Variants in AOPEP observed in about 807,000 individuals in gnomAD.
AOPEP encodes aminopeptidase O.
A neutral mutation model predicts 98.1 loss-of-function variants in AOPEP; 77 were observed. The ratio of observed to expected loss-of-function variants is 0.78; its 90% CI spans 0.65 to 0.95. AOPEP has a LOEUF of 0.95. AOPEP is among the 40% of genes least tolerant of loss of function. AOPEP has a pLI of 0.00. For synonymous variants in AOPEP, 346 were observed against 365.3 expected (o/e 0.95, Z 0.60); for missense variants, 1,024 against 1,024.7 (o/e 1.00, Z 0.01).
chr9:95,004,228 G>A (rs1301770322), intron 11 of AOPEP: 4 of 456,364 alleles, frequency 8.8e-6, no homozygotes, highest in Non-Finnish European at 1.8e-5. Context: ...CTGCTGATGC[G>A]GATGAGAAGG....
In AOPEP at chr9:94,761,569, T is replaced by C. The variant is rs117368449; in HGVS notation, c.797+989T>C. ...GGTCTTCGGCAATTGCTTACATGTC[T>C]CCCTCAATTCATCCCCCAAAACACC... On this transcript the variant is annotated intron_variant, in intron 2 of 16. Transcript: ENST00000375315. Among the ~76,000 whole-genome samples, 455 of 152,288 alleles carry C rather than the reference T, an allele frequency of 3.0e-3. 1 individual carries two copies. Among genetic ancestry groups the C allele is most frequent in the Non-Finnish European group, 5.1e-3 (344 of 68,018 alleles).
At chr9:94,805,168 A>T (rs1012173837) in intron 5 of AOPEP, among the ~76,000 whole-genome samples, 5 of 145,776 alleles carry the variant, frequency 3.4e-5, no homozygotes, top group African/African-American at 1.3e-4. Flanking sequence ...AAGAGATCAA[A>T]TTTTTTTTTT....
intron 5 of AOPEP, among the ~76,000 whole-genome samples, chr9:94,906,455 A>AAATAATAATAATAATAAT (rs5741511): frequency 0.017 from 1,948 of 114,294 alleles, 29 homozygotes; most frequent in East Asian, 0.054. Flanking sequence ...ACCCTGTCTG[A>AAATAATAATAATAATAAT]AATAATAATA....
intron 9 of AOPEP, among the ~76,000 whole-genome samples, chr9:94,964,684 G>A (rs1291143806): frequency 2.8e-5 from 4 of 142,930 alleles, no homozygotes; most frequent in Non-Finnish European, 6.0e-5. Context: ...CTGTCGCCCA[G>A]GCTGGAGTGC....
chr9:94,965,316 C>G (rs991464812), intron 9 of AOPEP, among the ~76,000 whole-genome samples: 4 of 152,274 alleles, frequency 2.6e-5, no homozygotes, highest in African/African-American at 9.6e-5. Context: ...ATTGTTATTT[C>G]ACGTCAAACA....
chr9:95,085,233 C>A, intron 16 of AOPEP: 1 of 496,520 alleles, frequency 2.0e-6, no homozygotes, highest in Admixed American at 2.1e-5. Context: ...TGCTTGGGTT[C>A]CTGGCATGCT....
chr9:94,824,268 C>G (rs1335522842), intron 5 of AOPEP: 2 of 152,222 alleles, frequency 1.3e-5, no homozygotes, highest in Admixed American at 1.3e-4. Context: ...TTGCTTCTCT[C>G]TAGTTCTTGC....
intron 10 of AOPEP, among the ~76,000 whole-genome samples, chr9:94,979,034 C>T (rs976407542): frequency 6.6e-6 from 1 of 152,182 alleles, no homozygotes; most frequent in African/African-American, 2.4e-5. Context: ...CTCCAGGAAG[C>T]AGCCATGCCT....
the AOPEP span, chr9:95,135,271 C>T: frequency 7.0e-7 from 1 of 1,425,234 alleles, no homozygotes; most frequent in Non-Finnish European, 9.9e-7. Flanking sequence ...CCCCCCCTTT[C>T]ATTCTCTGAC....
At position 94,800,794 on chromosome 9, in the gene AOPEP, C is replaced by T. The variant is rs34557833; in HGVS notation, c.1156C>T (p.Arg386Cys). 1,328 of 1,614,112 alleles carry T rather than the reference C, an allele frequency of 8.2e-4. 10 individuals carry two copies. In the African/African-American group the frequency reaches 0.016, roughly 19 times the overall value. ...TTGCAGTCACATGGAATACCCCTGC[C>T]GCTTCCAGAATGCTTCTGCCACCAC... ...GVCSHMEYPC[R>C]FQNASATTQE... is the part of the protein sequence containing the mutation. The change falls in exon 5 of 17, where the codon CGC becomes TGC. Residue 386 changes from arginine (R) to cysteine (C), a missense_variant. Physicochemically the swap from Arg to Cys is radical, Grantham distance 180 (BLOSUM62 -3). Coordinates refer to ENST00000375315, the MANE Select transcript of AOPEP (RefSeq NM_001193329.3).
intron 5 of AOPEP, among the ~76,000 whole-genome samples, chr9:94,860,018 C>T (rs1264170908): frequency 6.6e-6 from 1 of 152,172 alleles, no homozygotes; most frequent in African/African-American, 2.4e-5. Context: ...AACAAATATT[C>T]TCAAAAATGG....
At chr9:94,836,082 T>TTGTGTG (rs10606112) in intron 5 of AOPEP, among the ~76,000 whole-genome samples, 11 of 150,654 alleles carry the variant, frequency 7.3e-5, no homozygotes, top group Admixed American at 2.6e-4. Context: ...TGTTTCCTGC[T>TTGTGTG]TGTGTGTGTG....
intron 4 of AOPEP, among the ~76,000 whole-genome samples, chr9:94,798,562 T>G (rs1847540297): frequency 6.6e-6 from 1 of 152,208 alleles, no homozygotes; most frequent in Non-Finnish European, 1.5e-5. Flanking sequence ...CCATGTTATA[T>G]TTAGAGAGAC....
intron 5 of AOPEP, among the ~76,000 whole-genome samples, chr9:94,812,904 T>C (rs926202303): frequency 6.6e-6 from 1 of 152,098 alleles, no homozygotes; most frequent in Non-Finnish European, 1.5e-5. Context: ...GCACCAAATA[T>C]AATTTAAAGC....
the AOPEP span, chr9:95,149,898 A>G: frequency 3.2e-6 from 5 of 1,578,562 alleles, no homozygotes; most frequent in Non-Finnish European, 4.3e-6. Flanking sequence ...ACGACGCAGG[A>G]TGACAGGAAA....
chr9:94,835,965 A>G (rs1204919413), intron 5 of AOPEP, among the ~76,000 whole-genome samples: 3 of 152,174 alleles, frequency 2.0e-5, no homozygotes, highest in Non-Finnish European at 4.4e-5. Flanking sequence ...TCACTAGTCA[A>G]TCCCTAAGCA....
At chr9:95,133,846 A>G in the AOPEP span, among the ~76,000 whole-genome samples, 4 of 152,358 alleles carry the variant, frequency 2.6e-5, no homozygotes, top group Non-Finnish European at 5.9e-5. Flanking sequence ...ATGACCTTGA[A>G]TCACCAGGAA....
intron 7 of AOPEP, among the ~76,000 whole-genome samples, chr9:94,945,047 G>T (rs569737131): frequency 8.5e-5 from 13 of 152,268 alleles, no homozygotes; most frequent in African/African-American, 3.1e-4. Context: ...GAGGCGACTG[G>T]TGACCTCCGA....
At chr9:95,060,960 A>G (rs1228531086) in intron 14 of AOPEP, 150 bp downstream of exon 14, 1 of 627,150 alleles carries the variant, frequency 1.6e-6, no homozygotes, top group Non-Finnish European at 2.9e-6. Flanking sequence ...TAAGTGCTTT[A>G]ATCTGATTAT....
Sources: allele counts gnomAD v4.1 joint callset (sites outside exome capture counted in the v4.1 genomes callset), GRCh38; gene constraint gnomAD v4.1.1; transcripts MANE v1.5; gene names NCBI Gene and HGNC (gene_info 2026-07-23, HGNC 2026-07-21).